INPP4A: variants seen among roughly 807,000 people sequenced by gnomAD.
INPP4A encodes inositol polyphosphate-4-phosphatase type I A, also known as inositol polyphosphate-4-phosphatase, type I, 107kD.
In INPP4A, 33 loss-of-function variants were observed where a neutral mutation model predicts 119.8. That is an observed-to-expected ratio of 0.28 (90% CI 0.21 to 0.37). The LOEUF (loss-of-function observed/expected upper bound fraction) is 0.37, where lower values mean the gene tolerates loss of function less well. INPP4A is among the 10% of genes least tolerant of loss of function. INPP4A has a pLI of 1.00. For synonymous variants in INPP4A, 496 were observed against 500.7 expected, an observed-to-expected ratio of 0.99 and a Z score of 0.12; for missense variants, 956 against 1,289.9, an observed-to-expected ratio of 0.74 and a Z score of 3.97.
chr2:98,556,049 G>A (rs996477049), intron 16 of INPP4A: 2 of 510,020 alleles, frequency 3.9e-6, no homozygotes, highest in African/African-American at 1.9e-5. Context: ...GAATCTCAGG[G>A]TCCTCTTGAG....
Position 98,546,643 on chromosome 2 carries a change from A to G in INPP4A, c.1112A>G (p.Lys371Arg). The G allele has an allele frequency of 6.2e-7, 1 of 1,613,982 alleles. No individual in the cohort carries two copies. The highest frequency in any genetic ancestry group is 8.5e-7 in the Non-Finnish European group (1 of 1,179,812). ...CCAGCAGCACACTGCCAAGGTTTTA[A>G]GTCAGGAGGTCTCCGCAAAAAGCTG... ...GAPAAHCQGF[K>R]SGGLRKKLHK... The change falls in exon 13 of 25, where the codon AAG becomes AGG. Residue 371 changes from lysine (K) to arginine (R), a missense_variant. By Grantham distance (26) the Lys-to-Arg change is conservative (BLOSUM62 2). Transcript: ENST00000409851. The surrounding 1 kb of genome is among the most constrained non-coding windows in gnomAD (Gnocchi z 4.2).
At chr2:98,513,926 G>T (rs1000663794) in intron 1 of INPP4A, among the ~76,000 whole-genome samples, 3 of 152,194 alleles carry the variant, frequency 2.0e-5, no homozygotes, top group African/African-American at 7.2e-5. Context: ...TATTTGCTGG[G>T]CTTCAAGAAT....
chr2:98,514,610 G>T (rs901137458), intron 1 of INPP4A, among the ~76,000 whole-genome samples: 2 of 152,038 alleles, frequency 1.3e-5, no homozygotes, highest in East Asian at 3.9e-4. Flanking sequence ...CTATAATGAA[G>T]CTTTCATTAA....
intron 1 of INPP4A, among the ~76,000 whole-genome samples, chr2:98,462,752 C>T (rs1296721225): frequency 6.6e-6 from 1 of 152,048 alleles, no homozygotes; most frequent in Non-Finnish European, 1.5e-5. Context: ...AACTCCTGGG[C>T]TCAAGCAATC....
intron 23 of INPP4A, among the ~76,000 whole-genome samples, chr2:98,575,892 T>A (rs771210100): frequency 2.6e-5 from 4 of 152,244 alleles, no homozygotes; most frequent in Non-Finnish European, 5.9e-5. Context: ...GAAGCCCCTG[T>A]GGCCAGATGC....
chr2:98,502,333 T>C (rs1683281734), intron 1 of INPP4A, among the ~76,000 whole-genome samples: 1 of 126,550 alleles, frequency 7.9e-6, no homozygotes, highest in Admixed American at 7.9e-5. Flanking sequence ...TTTACAGTTT[T>C]TAGTTTTTCT....
At chr2:98,479,215 G>A (rs2105001866) in intron 1 of INPP4A, among the ~76,000 whole-genome samples, 1 of 152,258 alleles carries the variant, frequency 6.6e-6, no homozygotes, top group East Asian at 1.9e-4. Flanking sequence ...GCTAATTGGT[G>A]GCACTTCTAA....
At chr2:98,446,153 G>A (rs2104353539) in intron 1 of INPP4A, among the ~76,000 whole-genome samples, 1 of 152,350 alleles carries the variant, frequency 6.6e-6, no homozygotes, top group South Asian at 2.1e-4. Context: ...TCTAAAAGGT[G>A]AGAGCAGAGC....
At chr2:98,533,614 T>C (rs1021755352) in intron 5 of INPP4A, 119 bp downstream of exon 5, 5 of 661,914 alleles carry the variant, frequency 7.6e-6, no homozygotes, top group Non-Finnish European at 1.1e-5. Flanking sequence ...GAGTTGTTGC[T>C]ATTTTCCCAT....
intron 24 of INPP4A, among the ~76,000 whole-genome samples, chr2:98,577,522 G>A (rs1268409600): frequency 1.3e-5 from 2 of 152,220 alleles, no homozygotes; most frequent in African/African-American, 4.8e-5. Context: ...GCAGGCATCT[G>A]CTGTTGTCGT....
intron 11 of INPP4A, 45 bp downstream of exon 11, chr2:98,544,052 C>T (rs1460543360): frequency 6.7e-7 from 1 of 1,503,088 alleles, no homozygotes; most frequent in Non-Finnish European, 9.0e-7. Flanking sequence ...TGCGCACACA[C>T]ACACACACAC....
At chr2:98,526,450 T>C (rs888836944) in intron 4 of INPP4A, among the ~76,000 whole-genome samples, 1 of 152,222 alleles carries the variant, frequency 6.6e-6, no homozygotes, top group Admixed American at 6.5e-5. Context: ...TAAAAATCAG[T>C]TTATTAATTT....
chr2:98,500,000 A>T (rs911921933), intron 1 of INPP4A, among the ~76,000 whole-genome samples: 1 of 152,188 alleles, frequency 6.6e-6, no homozygotes, highest in African/African-American at 2.4e-5. Flanking sequence ...TGGCAGACTC[A>T]TATCTAATTC....
At chr2:98,445,711 T>A (rs751445855) in intron 1 of INPP4A, among the ~76,000 whole-genome samples, 5 of 152,140 alleles carry the variant, frequency 3.3e-5, no homozygotes, top group African/African-American at 4.8e-5. Flanking sequence ...TAAATTTGTG[T>A]CTTTGTGGGC....
intron 1 of INPP4A, among the ~76,000 whole-genome samples, chr2:98,485,681 T>A (rs1171854435): frequency 1.3e-5 from 2 of 152,200 alleles, no homozygotes; most frequent in African/African-American, 4.8e-5. Context: ...ATTTAAATAT[T>A]TGAAAGTATT....
At chr2:98,501,056 C>T (rs568320503) in intron 1 of INPP4A, among the ~76,000 whole-genome samples, 1 of 152,200 alleles carries the variant, frequency 6.6e-6, no homozygotes, top group African/African-American at 2.4e-5. Context: ...GCCTATAATC[C>T]CAGCACTGGG....
At chr2:98,514,487 C>G (rs1685730671) in intron 1 of INPP4A, among the ~76,000 whole-genome samples, 3 of 152,060 alleles carry the variant, frequency 2.0e-5, no homozygotes, top group Non-Finnish European at 4.4e-5. Context: ...GGTAACCAAT[C>G]CCATGATTAG....
At chr2:98,572,773 T>G in intron 22 of INPP4A, 42 bp from the exon 23 acceptor site, 1 of 1,434,384 alleles carries the variant, frequency 7.0e-7, no homozygotes, top group Non-Finnish European at 9.4e-7. Flanking sequence ...GGGGAGTTCC[T>G]GGGTGCGTCA....
Position 98,564,724 on chromosome 2 carries a change from G to T in INPP4A, c.2113G>T (p.Gly705Trp). 1 of 1,603,772 alleles carries T rather than the reference G, an allele frequency of 6.2e-7. No homozygotes were observed. Among genetic ancestry groups the T allele is most frequent in the East Asian group, 2.3e-5 (1 of 44,296 alleles). Residue 705 changes from glycine to tryptophan, a missense_variant, in exon 19 of 25, where the codon GGG (glycine) becomes TGG (tryptophan). Around this residue, in one of 2 missense-constraint regions of INPP4A, gnomAD observed 304 missense variants for 492.1 expected, o/e 0.62. Transcript: ENST00000409851. Reference sequence around the variant, plus strand: ...CTTCCTGCGCCAGCTCTACACCATCGGGCTGCTGGCCCAGTTCGAGAGCCT... The same window carrying T: ...CTTCCTGCGCCAGCTCTACACCATCTGGCTGCTGGCCCAGTTCGAGAGCCT... The part of the protein sequence containing the change: ...DGFLRQLYTI[G>W]LLAQFESLLS...
Sources: allele counts gnomAD v4.1 joint callset (sites outside exome capture counted in the v4.1 genomes callset), GRCh38; gene constraint gnomAD v4.1.1; regional missense constraint gnomAD v4.1.1; non-coding constraint Gnocchi (gnomAD v3.1); transcripts MANE v1.5; gene names NCBI Gene and HGNC (gene_info 2026-07-23, HGNC 2026-07-21).